The following RANBP2 variants were observed in gnomAD, a reference collection of about 807,000 sequenced individuals.
RANBP2 encodes E3 SUMO-protein ligase RanBP2.
Under a neutral mutation model 303.6 loss-of-function variants are expected in RANBP2, and 57 were observed. That is an observed-to-expected ratio of 0.19 (90% CI 0.15 to 0.23). RANBP2 has a LOEUF of 0.23. RANBP2 is among the 10% of genes least tolerant of loss of function. RANBP2 has a pLI of 1.00. For synonymous variants in RANBP2, 1,167 were observed against 1,301.5 expected (o/e 0.90, Z 2.23); for missense variants, 3,138 against 3,780.8 (o/e 0.83, Z 4.46).
the RANBP2 span, among the ~76,000 whole-genome samples, chr2:109,370,241 T>C: frequency 3.9e-5 from 5 of 127,760 alleles, no homozygotes; most frequent in East Asian, 3.8e-4. Flanking sequence ...CTCTCTCTCT[T>C]TTTCTTTTTT....
chr2:109,367,094 A>C, the RANBP2 span, among the ~76,000 whole-genome samples: 3 of 149,228 alleles, frequency 2.0e-5, no homozygotes, highest in Admixed American at 1.3e-4. Context: ...CTAGGATTAC[A>C]GGCATATGCC....
chr2:109,655,742 A>G, the RANBP2 span, among the ~76,000 whole-genome samples: 1 of 152,172 alleles, frequency 6.6e-6, no homozygotes, highest in African/African-American at 2.4e-5. Context: ...AAGCCGAAAG[A>G]TTCTGGCCTG....
At chr2:108,720,177 GGCATCTCA>G (rs1443830238) in intron 1 of RANBP2, 2 of 983,522 alleles carry the variant, frequency 2.0e-6, no homozygotes, top group Non-Finnish European at 2.4e-6. Context: ...TGACAAGGTA[GGCATCTCA>G]GCGCGGACAT....
At chr2:109,421,686 C>A in the RANBP2 span, among the ~76,000 whole-genome samples, 1 of 152,176 alleles carries the variant, frequency 6.6e-6, no homozygotes. Flanking sequence ...TTCCACTCAG[C>A]TTGAGATTTG....
the RANBP2 span, among the ~76,000 whole-genome samples, chr2:109,535,321 A>C: frequency 9.9e-5 from 15 of 152,266 alleles, no homozygotes; most frequent in Middle Eastern, 3.4e-3. Flanking sequence ...TCTTCACAGA[A>C]CCGTCACCAA....
the RANBP2 span, chr2:109,605,717 G>A: frequency 6.6e-6 from 1 of 152,112 alleles, no homozygotes; most frequent in African/African-American, 2.4e-5. Flanking sequence ...AAATTATAAT[G>A]CTGTATTAGG....
At chr2:108,749,459 G>T (rs1457820630) in intron 9 of RANBP2, among the ~76,000 whole-genome samples, 1 of 152,052 alleles carries the variant, frequency 6.6e-6, no homozygotes, top group Non-Finnish European at 1.5e-5. Flanking sequence ...ATCACGCCCG[G>T]CTAATTTTTT....
At chr2:109,143,708 C>T in the RANBP2 span, among the ~76,000 whole-genome samples, 14 of 152,150 alleles carry the variant, frequency 9.2e-5, no homozygotes, top group African/African-American at 2.9e-4. Context: ...GAGCCGTGAT[C>T]GCACCACTGC....
the RANBP2 span, chr2:109,619,041 T>C: frequency 1.4e-4 from 24 of 167,002 alleles, no homozygotes; most frequent in South Asian, 5.0e-3. Flanking sequence ...TTTTTACATA[T>C]ACTGTGTTTT....
chr2:109,432,780 C>G, the RANBP2 span: 1 of 1,388,442 alleles, frequency 7.2e-7, no homozygotes, highest in Non-Finnish European at 9.5e-7. Flanking sequence ...CAGAAGGCAG[C>G]AAGGCCACCA....
the RANBP2 span, among the ~76,000 whole-genome samples, chr2:109,481,504 C>A: frequency 6.6e-6 from 1 of 152,108 alleles, no homozygotes; most frequent in Admixed American, 6.5e-5. Flanking sequence ...ACCTCCTCGG[C>A]CTGTTATTGC....
At chr2:109,574,250 C>T in the RANBP2 span, among the ~76,000 whole-genome samples, 1 of 147,784 alleles carries the variant, frequency 6.8e-6, no homozygotes, top group Non-Finnish European at 1.5e-5. Context: ...ACCAACTGGG[C>T]AACATACCAA....
At chr2:109,290,031 T>A in the RANBP2 span, among the ~76,000 whole-genome samples, 1 of 152,164 alleles carries the variant, frequency 6.6e-6, no homozygotes, top group African/African-American at 2.4e-5. Context: ...TCCGATTCTA[T>A]AGGTACAGGG....
intron 15 of RANBP2, among the ~76,000 whole-genome samples, chr2:108,754,266 A>G (rs1402366735): frequency 6.6e-6 from 1 of 151,550 alleles, no homozygotes; most frequent in Non-Finnish European, 1.5e-5. Context: ...ATCAAAACAA[A>G]TATTATAACC....
chr2:109,351,716 C>T, the RANBP2 span, among the ~76,000 whole-genome samples: 1 of 152,186 alleles, frequency 6.6e-6, no homozygotes, highest in South Asian at 2.1e-4. Flanking sequence ...GCAGCGGGGC[C>T]CCCAGGCTTG....
chr2:108,742,522 T>C (rs1278313328), intron 7 of RANBP2, among the ~76,000 whole-genome samples: 2 of 151,852 alleles, frequency 1.3e-5, no homozygotes, highest in African/African-American at 2.4e-5. Context: ...GCCAGGATGG[T>C]CTCGATCTTC....
the RANBP2 span, among the ~76,000 whole-genome samples, chr2:109,525,603 G>A: frequency 6.6e-6 from 1 of 152,192 alleles, no homozygotes; most frequent in Non-Finnish European, 1.5e-5. Context: ...CCAGCACCCG[G>A]CATTCAGGGC....
the RANBP2 span, among the ~76,000 whole-genome samples, chr2:109,568,699 T>A: frequency 3.9e-5 from 6 of 152,178 alleles, no homozygotes; most frequent in Non-Finnish European, 8.8e-5. Context: ...TTTTATTTTT[T>A]AATAATCTAA....
In RANBP2 at chr2:108,766,590, T is replaced by A. The variant is rs1312294403; in HGVS notation, c.6051T>A (p.Val2017=). ...DSDDIHFEPV[V]QMPEKVELVT... ...ATGACATCCATTTTGAACCAGTAGT[T>A]CAAATGCCCGAAAAAGTAGAACTTG... is the stretch of plus-strand genomic sequence containing the variant. Residue 2017 remains valine, a synonymous_variant, in exon 20 of 29, where the codon GTT becomes GTA. Coordinates refer to ENST00000283195, the MANE Select transcript of RANBP2 (RefSeq NM_006267.5). The A allele has an allele frequency of 6.2e-7, 1 of 1,611,956 alleles. No homozygotes were observed.
Sources: gnomAD v4.1 joint callset for allele counts (sites outside exome capture counted in the v4.1 genomes callset) on GRCh38, gnomAD v4.1.1 for gene constraint, MANE v1.5 for transcripts, NCBI Gene and HGNC (gene_info 2026-07-23, HGNC 2026-07-21) for gene names.